SNAP91: variants seen among roughly 807,000 people sequenced by gnomAD.
SNAP91 encodes clathrin coat assembly protein AP180.
A neutral mutation model predicts 100.3 loss-of-function variants in SNAP91; 27 were observed. That is an observed-to-expected ratio of 0.27 (90% CI 0.20 to 0.37). The LOEUF (loss-of-function observed/expected upper bound fraction) is 0.37, where lower values mean the gene tolerates loss of function less well. Ranked by LOEUF, SNAP91 falls within the 10% of genes least tolerant of loss-of-function variation. The probability of loss-of-function intolerance (pLI) is 1.00; values close to 1 mark genes in which losing one functional copy is unlikely to be tolerated. For synonymous variants in SNAP91, 404 were observed against 398.6 expected (o/e 1.01, Z -0.16); for missense variants, 986 against 1,123.7 (o/e 0.88, Z 1.75).
At chr6:83,632,810 C>G (rs561377467) in intron 8 of SNAP91, among the ~76,000 whole-genome samples, 2 of 152,176 alleles carry the variant, frequency 1.3e-5, no homozygotes, top group African/African-American at 4.8e-5. Flanking sequence ...TTTGGATTTC[C>G]TTATACTGGG....
chr6:83,687,205 T>C (rs1330486434), intron 2 of SNAP91, among the ~76,000 whole-genome samples: 1 of 152,168 alleles, frequency 6.6e-6, no homozygotes, highest in East Asian at 1.9e-4. Context: ...TGTGGTAAAA[T>C]ATCAGTCACT....
chr6:83,701,529 C>T (rs1463210510), intron 2 of SNAP91, among the ~76,000 whole-genome samples: 1 of 152,002 alleles, frequency 6.6e-6, no homozygotes, highest in Non-Finnish European at 1.5e-5. Context: ...TCACTGCAAC[C>T]TCCGCCTCTC....
chr6:83,707,775 C>G, intron 2 of SNAP91, 23 bp downstream of exon 2: 2 of 1,611,964 alleles, frequency 1.2e-6, no homozygotes, highest in African/African-American at 1.3e-5. Flanking sequence ...GCGCATGTCC[C>G]TCTTATATAA....
chr6:83,626,068 T>G (rs56982000), intron 8 of SNAP91, among the ~76,000 whole-genome samples: 27,227 of 152,104 alleles, frequency 0.18, 3,127 homozygotes, highest in South Asian at 0.28. Flanking sequence ...CTCATTCTTT[T>G]GCATATGGCT....
intron 24 of SNAP91, among the ~76,000 whole-genome samples, chr6:83,579,065 G>A (rs915426341): frequency 6.6e-6 from 1 of 151,884 alleles, no homozygotes; most frequent in Non-Finnish European, 1.5e-5. Context: ...TTTATTTCTG[G>A]GATCTTTATT....
chr6:83,653,835 GCTTCTTGGTTTTT>G (rs1317002091), intron 7 of SNAP91, among the ~76,000 whole-genome samples: 1 of 152,050 alleles, frequency 6.6e-6, no homozygotes, highest in Admixed American at 6.6e-5. Flanking sequence ...CTTCACAAAT[GCTTCTTGGTTTTT>G]CCTCTTGGAC....
Position 83,665,505 on chromosome 6 carries a change from G to A in SNAP91, c.207C>T (p.Asn69=). The A allele has an allele frequency of 6.2e-7, 1 of 1,612,790 alleles. No homozygotes were observed. The highest frequency in any genetic ancestry group is 8.5e-7 in the Non-Finnish European group (1 of 1,179,258). The change falls in exon 3 of 30, where the codon AAC becomes AAT. Residue 69 remains asparagine (N), a synonymous_variant. Transcript: ENST00000369694. The part of the protein sequence containing the change: ...MADTLFERAT[N]SSWVVVFKAL... Reference sequence around the variant, plus strand: ...CCTTAAACACAACCACCCAGCTACTGTTTGTTGCCCGCTCAAAGAGAGTGT... The same window carrying A: ...CCTTAAACACAACCACCCAGCTACTATTTGTTGCCCGCTCAAAGAGAGTGT...
intron 10 of SNAP91, among the ~76,000 whole-genome samples, chr6:83,615,724 G>A (rs1427559613): frequency 1.3e-5 from 2 of 151,798 alleles, no homozygotes; most frequent in Non-Finnish European, 2.9e-5. Context: ...TTTAAAACAC[G>A]CAATAATTTC....
rs1458795638 is a variant in SNAP91 at position 83,665,691 on chromosome 6, TTGA to T, written c.131-113_131-111del. ...ACTAATATATGACCTTAAAAGTACT[TTGA>T]TAATAGCTGATAACAAAATTTAAAA... On this transcript the variant is annotated intron_variant, in intron 2 of 29. Transcript: ENST00000369694. 49 of 893,592 alleles carry T rather than the reference TTGA, an allele frequency of 5.5e-5. No individual in the cohort carries two copies. The Middle Eastern group carries it at 1.7e-3, about 31-fold the overall frequency. The allele number at this position is 893,592 out of a possible 1,614,324, so 55.4% of individuals were successfully genotyped here.
chr6:83,632,309 C>T (rs186976523), intron 8 of SNAP91, among the ~76,000 whole-genome samples: 106 of 152,206 alleles, frequency 7.0e-4, no homozygotes, highest in Middle Eastern at 3.4e-3. Flanking sequence ...TTCTGTCTCA[C>T]AGCTCTTAAG....
At chr6:83,626,563 A>T (rs1344534191) in intron 8 of SNAP91, among the ~76,000 whole-genome samples, 3 of 152,028 alleles carry the variant, frequency 2.0e-5, no homozygotes, top group Non-Finnish European at 4.4e-5. Context: ...CTCCTTGTAG[A>T]GATCTTTTAT....
Position 83,571,355 on chromosome 6 carries a change from G to A in SNAP91, c.2442+3655C>T, listed in dbSNP as rs184144979. Among the ~76,000 whole-genome samples the A allele has an allele frequency of 5.6e-3, 854 of 152,146 alleles. 5 individuals carry two copies. Among genetic ancestry groups the A allele is most frequent in the African/African-American group, 0.019 (805 of 41,506 alleles). On this transcript the variant is annotated intron_variant, in intron 26 of 29. Coordinates refer to ENST00000369694, the MANE Select transcript of SNAP91 (RefSeq NM_001242792.2). Reference sequence around the variant, plus strand: ...TTTGACCTTGTGATCTGCCTGCCTCGGCCTCCCAAAATGCTGGGATTACAG... The same window carrying A: ...TTTGACCTTGTGATCTGCCTGCCTCAGCCTCCCAAAATGCTGGGATTACAG...
intron 2 of SNAP91, among the ~76,000 whole-genome samples, chr6:83,682,172 C>CTT (rs59549595): frequency 0.022 from 2,768 of 123,434 alleles, 220 homozygotes; most frequent in East Asian, 0.18. Flanking sequence ...TTCTTTAATT[C>CTT]TTTTTTTTTT....
chr6:83,681,490 A>G (rs1303830452), intron 2 of SNAP91, among the ~76,000 whole-genome samples: 4 of 152,216 alleles, frequency 2.6e-5, no homozygotes, highest in Non-Finnish European at 5.9e-5. Flanking sequence ...TCCTCAAGAT[A>G]AAGACCAATG....
rs537235326 is a variant in SNAP91, at chr6:83,637,842, G to C, written c.765+3254C>G. Among the ~76,000 whole-genome samples the C allele has an allele frequency of 1.1e-4, 17 of 152,314 alleles. 2 individuals are homozygous for C. Among genetic ancestry groups the C allele is most frequent in the Admixed American group, 9.8e-4 (15 of 15,304 alleles). Reference sequence around the variant, plus strand: ...GGCCATAGATCTCAGCACGATACTCGTGGGCAGTGTGCTTGAGTCCCAGGG... The same window carrying C: ...GGCCATAGATCTCAGCACGATACTCCTGGGCAGTGTGCTTGAGTCCCAGGG... On this transcript the variant is annotated intron_variant, in intron 8 of 29. Coordinates refer to ENST00000369694, the MANE Select transcript of SNAP91 (RefSeq NM_001242792.2).
Position 83,688,568 on chromosome 6 carries a change from G to A in SNAP91, c.130+19230C>T, listed in dbSNP as rs192075615. 8.0e-3 allele frequency among the ~76,000 whole-genome samples: 1,203 copies of A among 149,528 alleles called. 13 individuals carry two copies. The highest frequency in any genetic ancestry group is 0.028 in the African/African-American group (1,120 of 40,412). On this transcript the variant is annotated intron_variant, in intron 2 of 29. Coordinates refer to ENST00000369694, the MANE Select transcript of SNAP91 (RefSeq NM_001242792.2). The stretch of plus-strand genomic sequence containing the variant: ...TGCCAGGCTGGAGTGCAGTGGTGCA[G>A]TCTCGGCTCACTGCAGCCGCCACAT...
At chr6:83,652,346 C>T (rs1047027347) in intron 7 of SNAP91, among the ~76,000 whole-genome samples, 3 of 152,084 alleles carry the variant, frequency 2.0e-5, no homozygotes, top group African/African-American at 7.2e-5. Flanking sequence ...CATTTTCTCT[C>T]CTTTCTTAGC....
rs571355520 is a variant in SNAP91, at chr6:83,631,454, C to T, written c.766-8112G>A. On this transcript the variant is annotated intron_variant, in intron 8 of 29. Transcript: ENST00000369694. ...GTCAGTGGAGTATTGAAGTCCCCCACTATTATTGTGTTGCTATCTCATTTC... is the reference window on the plus strand; with the variant it reads ...GTCAGTGGAGTATTGAAGTCCCCCATTATTATTGTGTTGCTATCTCATTTC... 3.6e-4 allele frequency among the ~76,000 whole-genome samples: 55 copies of T among 152,178 alleles called. 1 individual carries two copies. The highest frequency in any genetic ancestry group is 3.1e-3 in the Admixed American group (48 of 15,294).
chr6:83,649,830 C>A (rs1395507014), intron 7 of SNAP91, among the ~76,000 whole-genome samples: 2 of 151,532 alleles, frequency 1.3e-5, no homozygotes, highest in African/African-American at 4.9e-5. Flanking sequence ...CTCAAGTGAT[C>A]TGCCCACCTT....
Sources: gnomAD v4.1 joint callset for allele counts (sites outside exome capture counted in the v4.1 genomes callset) on GRCh38, gnomAD v4.1.1 for gene constraint, MANE v1.5 for transcripts, NCBI Gene and HGNC (gene_info 2026-07-23, HGNC 2026-07-21) for gene names.